The following DENND1A variants were observed in gnomAD, a reference collection of about 807,000 sequenced individuals.
DENND1A encodes the protein DENN domain-containing protein 1A.
A neutral mutation model predicts 113.7 loss-of-function variants in DENND1A; 51 were observed. That is an observed-to-expected ratio of 0.45 (90% confidence interval 0.36 to 0.57). DENND1A has a LOEUF of 0.57. Among genes scored for constraint, DENND1A ranks in the 20% least tolerant of loss-of-function variants. The pLI, the probability that DENND1A is intolerant of heterozygous loss-of-function variation, is 0.00. For synonymous variants in DENND1A, 565 were observed against 570.8 expected (o/e 0.99, Z 0.14); for missense variants, 1,258 against 1,395.9 (o/e 0.90, Z 1.57).
chr9:123,421,579 C>T (rs961690539), intron 19 of DENND1A, among the ~76,000 whole-genome samples: 4 of 152,160 alleles, frequency 2.6e-5, no homozygotes, highest in Non-Finnish European at 4.4e-5. Context: ...TCACCAGGCC[C>T]GTGTCCCTAC....
intron 5 of DENND1A, among the ~76,000 whole-genome samples, chr9:123,723,732 C>T (rs538828262): frequency 1.5e-4 from 23 of 152,276 alleles, no homozygotes; most frequent in African/African-American, 3.1e-4. Context: ...TCCCCAGCCA[C>T]GCAGAACTGT....
At chr9:123,507,799 G>A (rs985747367) in intron 13 of DENND1A, among the ~76,000 whole-genome samples, 4 of 151,586 alleles carry the variant, frequency 2.6e-5, no homozygotes, top group Non-Finnish European at 4.4e-5. Context: ...ACTGCAGCCT[G>A]GGCAATGGGA....
chr9:123,689,425 A>T (rs981793926), intron 5 of DENND1A, among the ~76,000 whole-genome samples: 2 of 152,214 alleles, frequency 1.3e-5, no homozygotes, highest in African/African-American at 4.8e-5. Flanking sequence ...CGAAGGGCAG[A>T]AAAATGTACG....
At chr9:123,925,628 T>C (rs1164001161) in intron 1 of DENND1A, among the ~76,000 whole-genome samples, 2 of 152,216 alleles carry the variant, frequency 1.3e-5, no homozygotes, top group Non-Finnish European at 2.9e-5. Flanking sequence ...AGGCACAGTA[T>C]TGCCACTAAT....
At chr9:123,852,901 CTTTCTTTTTTT>C (rs1385908066) in intron 2 of DENND1A, among the ~76,000 whole-genome samples, 1 of 151,586 alleles carries the variant, frequency 6.6e-6, no homozygotes, top group South Asian at 2.1e-4. Context: ...AATTGTTTTT[CTTTCTTTTTTT>C]TTTCTTTTTT....
At chr9:123,454,911 G>C in intron 15 of DENND1A, 132 bp from the exon 16 acceptor site, 1 of 772,784 alleles carries the variant, frequency 1.3e-6, no homozygotes, top group Non-Finnish European at 2.1e-6. Flanking sequence ...GCAGTGGTGC[G>C]ATCTCAGCTC....
intron 21 of DENND1A, chr9:123,401,440 G>A (rs982228766): frequency 1.9e-6 from 2 of 1,063,360 alleles, no homozygotes; most frequent in East Asian, 6.5e-5. Context: ...CCCCTTCCTC[G>A]TTAAACAAAC....
At chr9:123,672,503 A>T (rs2063814156) in intron 6 of DENND1A, among the ~76,000 whole-genome samples, 2 of 152,252 alleles carry the variant, frequency 1.3e-5, no homozygotes, top group African/African-American at 4.8e-5. Context: ...ACATTCTCCT[A>T]AATCACCACA....
chr9:123,415,684 G>A (rs1300421866), intron 19 of DENND1A, among the ~76,000 whole-genome samples: 1 of 152,236 alleles, frequency 6.6e-6, no homozygotes, highest in Non-Finnish European at 1.5e-5. Flanking sequence ...ACTTTGGCAA[G>A]CAAGTGACTT....
chr9:123,678,686 C>T (rs1243474866), intron 5 of DENND1A, among the ~76,000 whole-genome samples: 1 of 152,224 alleles, frequency 6.6e-6, no homozygotes, highest in Non-Finnish European at 1.5e-5. Flanking sequence ...GCACATGCTA[C>T]TGTAAAATTT....
chr9:123,722,837 G>A (rs925663442), intron 5 of DENND1A, among the ~76,000 whole-genome samples: 2 of 152,368 alleles, frequency 1.3e-5, no homozygotes. Flanking sequence ...ACTTCTGCTA[G>A]GGCAGTGCAG....
At chr9:123,841,407 C>T (rs1841811839) in intron 2 of DENND1A, among the ~76,000 whole-genome samples, 1 of 152,056 alleles carries the variant, frequency 6.6e-6, no homozygotes, top group South Asian at 2.1e-4. Flanking sequence ...AAGGCATTTC[C>T]ACATAAATTA....
At chr9:123,622,292 C>A (rs567029745) in intron 10 of DENND1A, among the ~76,000 whole-genome samples, 3 of 152,080 alleles carry the variant, frequency 2.0e-5, no homozygotes, top group South Asian at 2.1e-4. Flanking sequence ...CTAGAATAAA[C>A]CAAATATACA....
At chr9:123,472,511 T>C (rs1352498664) in intron 13 of DENND1A, among the ~76,000 whole-genome samples, 2 of 151,980 alleles carry the variant, frequency 1.3e-5, no homozygotes, top group African/African-American at 4.8e-5. Context: ...ACCCTCAAAA[T>C]ACACACAAAA....
chr9:123,783,907 C>T (rs751455968), intron 3 of DENND1A, among the ~76,000 whole-genome samples: 9 of 152,254 alleles, frequency 5.9e-5, no homozygotes, highest in Non-Finnish European at 8.8e-5. Context: ...ACAAGCAAGA[C>T]GACATAGGCG....
At chr9:123,395,978 GGT>G (rs147013216) in intron 21 of DENND1A, among the ~76,000 whole-genome samples, 30 of 149,848 alleles carry the variant, frequency 2.0e-4, no homozygotes, top group East Asian at 1.4e-3. Context: ...TGGTGTGCCT[GGT>G]GTGTGTGTGT....
At chr9:123,399,338 G>A (rs1351382928) in intron 21 of DENND1A, among the ~76,000 whole-genome samples, 1 of 152,102 alleles carries the variant, frequency 6.6e-6, no homozygotes, top group East Asian at 1.9e-4. Context: ...CTGTTCAATG[G>A]GAAAGCTACC....
intron 11 of DENND1A, among the ~76,000 whole-genome samples, chr9:123,595,727 T>C (rs1280003124): frequency 6.6e-6 from 1 of 152,010 alleles, no homozygotes; most frequent in Non-Finnish European, 1.5e-5. Context: ...ACCTTCAGGG[T>C]TGTTGAAAAG....
chr9:123,873,962 C>G (rs181221284), intron 2 of DENND1A, among the ~76,000 whole-genome samples: 10 of 152,116 alleles, frequency 6.6e-5, no homozygotes, highest in Non-Finnish European at 8.8e-5. Context: ...AGGCTGGTCT[C>G]GAACTCTTGA....
Sources: allele counts gnomAD v4.1 joint callset (sites outside exome capture counted in the v4.1 genomes callset), GRCh38; gene constraint gnomAD v4.1.1; transcripts MANE v1.5; gene names NCBI Gene and HGNC (gene_info 2026-07-23, HGNC 2026-07-21).